Variants in DNAH6 observed in about 807,000 individuals in gnomAD.
DNAH6 encodes the protein axonemal beta dynein heavy chain 6.
DNAH6 carries 340 observed loss-of-function variants against 491.4 expected under a neutral mutation model. The ratio of observed to expected loss-of-function variants is 0.69; its 90% confidence interval spans 0.63 to 0.76. The LOEUF (loss-of-function observed/expected upper bound fraction) is 0.76. Ranked by LOEUF, DNAH6 falls within the 30% of genes least tolerant of loss-of-function variation. The probability of loss-of-function intolerance (pLI) is 0.00; values close to 1 mark genes in which losing one functional copy is unlikely to be tolerated. For missense variants in DNAH6, 4,443 were observed against 4,972.2 expected (o/e 0.89, Z 3.20); for synonymous variants, 1,603 against 1,686.1 (o/e 0.95, Z 1.21).
intron 5 of DNAH6, among the ~76,000 whole-genome samples, chr2:84,546,763 A>G (rs1256608098): frequency 6.6e-6 from 1 of 152,144 alleles, no homozygotes; most frequent in East Asian, 1.9e-4. Context: ...CATACCTAGG[A>G]GTGGAATTGC....
chr2:84,553,425 CTTTCTTTCT>C (rs1679685100), intron 10 of DNAH6, among the ~76,000 whole-genome samples: 1 of 108,534 alleles, frequency 9.2e-6, no homozygotes, highest in Non-Finnish European at 2.0e-5. Flanking sequence ...TTCTTTCTTT[CTTTCTTTCT>C]TTTTCTCTTT....
In DNAH6 at chr2:84,815,887, T is replaced by C. The variant is rs977615090; in HGVS notation, c.12177T>C (p.Leu4059=). 8 of 1,551,584 alleles carry C rather than the reference T, an allele frequency of 5.2e-6. No individual in the cohort carries two copies. The highest frequency in any genetic ancestry group is 7.0e-6 in the Non-Finnish European group (8 of 1,146,944). Residue 4059 remains leucine, a synonymous_variant, in exon 76 of 77, where the codon CTT becomes CTC. Transcript: ENST00000389394. The part of the protein sequence containing the change: ...MELPSPEDGV[L]VHGMFMDASR... Reference sequence around the variant, plus strand: ...TGCCCTCTCCTGAGGATGGTGTTCTTGTTCATGGGATGTTCATGGATGCTT... The same window carrying C: ...TGCCCTCTCCTGAGGATGGTGTTCTCGTTCATGGGATGTTCATGGATGCTT...
intron 12 of DNAH6, 25 bp from the exon 13 acceptor site, chr2:84,577,232 G>T: frequency 6.9e-7 from 1 of 1,452,176 alleles, no homozygotes; most frequent in Non-Finnish European, 9.3e-7. Context: ...TATATTTTAT[G>T]CTTTATGTGA....
At chr2:84,662,331 G>A (rs1208188115) in intron 37 of DNAH6, among the ~76,000 whole-genome samples, 1 of 152,180 alleles carries the variant, frequency 6.6e-6, no homozygotes, top group African/African-American at 2.4e-5. Context: ...AGCACAAGGG[G>A]TTGGGTAATT....
intron 63 of DNAH6, among the ~76,000 whole-genome samples, chr2:84,761,389 A>G (rs1351205430): frequency 6.6e-6 from 1 of 152,168 alleles, no homozygotes; most frequent in Non-Finnish European, 1.5e-5. Context: ...TACATTATTC[A>G]GGTGATGGAA....
the DNAH6 span, among the ~76,000 whole-genome samples, chr2:84,481,083 A>G: frequency 7.6e-4 from 115 of 152,254 alleles, no homozygotes; most frequent in African/African-American, 2.7e-3. Flanking sequence ...TAGCAAACAC[A>G]TCAGGACTAA....
chr2:84,673,630 A>C (rs138851778), intron 40 of DNAH6, among the ~76,000 whole-genome samples: 242 of 152,364 alleles, frequency 1.6e-3, no homozygotes, highest in Non-Finnish European at 2.6e-3. Context: ...GAGCAAGGAC[A>C]GCCAGTCCAA....
chr2:84,780,785 T>G (rs184813237), intron 64 of DNAH6, among the ~76,000 whole-genome samples: 141 of 139,696 alleles, frequency 1.0e-3, no homozygotes, highest in African/African-American at 3.6e-3. Context: ...GAGGCTTTTT[T>G]TTTTGTATTC....
intron 59 of DNAH6, among the ~76,000 whole-genome samples, chr2:84,719,321 T>G: frequency 6.6e-6 from 1 of 152,190 alleles, no homozygotes; most frequent in East Asian, 1.9e-4. Flanking sequence ...TTTTTATTTC[T>G]GGCGGTTGTG....
chr2:84,756,254 A>C (rs968680814), intron 63 of DNAH6, among the ~76,000 whole-genome samples: 5 of 152,208 alleles, frequency 3.3e-5, no homozygotes, highest in Non-Finnish European at 7.3e-5. Context: ...AAAATTAAAT[A>C]AATCGTGGAA....
At chr2:84,632,401 G>T (rs1688493571) in intron 29 of DNAH6, among the ~76,000 whole-genome samples, 1 of 152,180 alleles carries the variant, frequency 6.6e-6, no homozygotes, top group African/African-American at 2.4e-5. Context: ...AGGAGTGGCA[G>T]AGAAAGAGGG....
intron 3 of DNAH6, among the ~76,000 whole-genome samples, chr2:84,528,482 C>G (rs1676815772): frequency 6.6e-6 from 1 of 152,058 alleles, no homozygotes; most frequent in South Asian, 2.1e-4. Flanking sequence ...TAACAGCTGT[C>G]CAAGACTCCA....
intron 3 of DNAH6, 33 bp from the exon 4 acceptor site, chr2:84,528,871 C>A (rs770143064): frequency 1.2e-6 from 1 of 859,380 alleles, no homozygotes; most frequent in African/African-American, 3.0e-5. Flanking sequence ...TGCAAAGACT[C>A]ATTTTTTTTT....
chr2:84,697,954 G>T, intron 47 of DNAH6: 1 of 537,368 alleles, frequency 1.9e-6, no homozygotes, highest in South Asian at 2.1e-5. Context: ...TTGCCCCACA[G>T]AGGTCATAGT....
chr2:84,676,896 C>A (rs1317572267), intron 40 of DNAH6, 109 bp from the exon 41 acceptor site: 15 of 1,225,316 alleles, frequency 1.2e-5, no homozygotes, highest in Non-Finnish European at 1.7e-5. Context: ...TTAACATGCA[C>A]AAAAAAAAAT....
chr2:84,506,436 T>C, the DNAH6 span, among the ~76,000 whole-genome samples: 1,718 of 152,312 alleles, frequency 0.011, 32 homozygotes, highest in African/African-American at 0.039. Flanking sequence ...TCTTGTAAAT[T>C]TGTTTGAGTT....
chr2:84,712,271 A>G (rs1697116779), intron 56 of DNAH6, among the ~76,000 whole-genome samples: 1 of 152,368 alleles, frequency 6.6e-6, no homozygotes, highest in African/African-American at 2.4e-5. Flanking sequence ...TTTATCTCAT[A>G]AACTTTTGTT....
chr2:84,696,252 G>T (rs1695371293), intron 46 of DNAH6, among the ~76,000 whole-genome samples: 1 of 151,604 alleles, frequency 6.6e-6, no homozygotes, highest in South Asian at 2.1e-4. Context: ...TAGATTTAAA[G>T]AAATTTTTAT....
At chr2:84,616,808 A>G in intron 22 of DNAH6, 78 bp from the exon 23 acceptor site, 1 of 656,848 alleles carries the variant, frequency 1.5e-6, no homozygotes, top group Non-Finnish European at 2.4e-6. Context: ...AATTGATTAC[A>G]TTTTAAAGTG....
Sources: gnomAD v4.1 joint callset for allele counts (sites outside exome capture counted in the v4.1 genomes callset) on GRCh38, gnomAD v4.1.1 for gene constraint, MANE v1.5 for transcripts, NCBI Gene and HGNC (gene_info 2026-07-23, HGNC 2026-07-21) for gene names.